ROBO2: variants seen among roughly 807,000 people sequenced by gnomAD.
The protein encoded by ROBO2 is roundabout homolog 2.
A neutral mutation model predicts 160.8 loss-of-function variants in ROBO2; 53 were observed. That is an observed-to-expected ratio of 0.33 (90% CI 0.26 to 0.41). The LOEUF (loss-of-function observed/expected upper bound fraction) is 0.41. Among genes scored for constraint, ROBO2 ranks in the 10% least tolerant of loss-of-function variants. The pLI, the probability that ROBO2 is intolerant of heterozygous loss-of-function variation, is 1.00. For missense variants in ROBO2, 1,577 were observed against 1,722.4 expected (o/e 0.92, Z 1.49); for synonymous variants, 664 against 611.7 (o/e 1.09, Z -1.26).
intron 2 of ROBO2, among the ~76,000 whole-genome samples, chr3:77,239,080 C>G (rs2088544605): frequency 6.6e-6 from 1 of 152,204 alleles, no homozygotes; most frequent in African/African-American, 2.4e-5. Context: ...CCTCATCCCT[C>G]TGTGTCTGGA....
chr3:76,046,456 C>T (rs1345631915), intron 2 of ROBO2, among the ~76,000 whole-genome samples: 2 of 151,784 alleles, frequency 1.3e-5, no homozygotes, highest in African/African-American at 4.9e-5. Flanking sequence ...GAGACCATCC[C>T]GGCTAACGCG....
intron 2 of ROBO2, among the ~76,000 whole-genome samples, chr3:76,865,103 T>G (rs1036625092): frequency 6.6e-6 from 1 of 152,058 alleles, no homozygotes; most frequent in Non-Finnish European, 1.5e-5. Context: ...CAGACCATTC[T>G]ATTTCCATGC....
At chr3:75,944,236 A>G (rs1455278977) in intron 2 of ROBO2, among the ~76,000 whole-genome samples, 3 of 152,130 alleles carry the variant, frequency 2.0e-5, no homozygotes, top group Admixed American at 6.6e-5. Flanking sequence ...AGAATAACTT[A>G]AGTCCTTTAT....
At chr3:77,573,954 T>A (rs749552592) in intron 13 of ROBO2, among the ~76,000 whole-genome samples, 1 of 152,086 alleles carries the variant, frequency 6.6e-6, no homozygotes, top group African/African-American at 2.4e-5. Flanking sequence ...GGGCAGGGGC[T>A]GACTCTATTT....
In ROBO2 at chr3:76,516,152, T is replaced by C. The variant is rs9821127; in HGVS notation, c.109+578550T>C. On this transcript the variant is annotated intron_variant, in intron 2 of 26. Coordinates refer to the ROBO2 transcript ENST00000487694. ...TGTGCAATTTACAAAAAGTGAGAAATAGATTTGTTACAATCTTGATTTTGG... is the reference window on the plus strand; with the variant it reads ...TGTGCAATTTACAAAAAGTGAGAAACAGATTTGTTACAATCTTGATTTTGG... Among the ~76,000 whole-genome samples the C allele has an allele frequency of 8.8e-3, 1,344 of 152,270 alleles. 18 individuals carry two copies. Among genetic ancestry groups the C allele is most frequent in the African/African-American group, 0.028 (1,179 of 41,570 alleles).
At chr3:76,149,152 A>G (rs1480583316) in intron 2 of ROBO2, among the ~76,000 whole-genome samples, 2 of 152,142 alleles carry the variant, frequency 1.3e-5, no homozygotes, top group Non-Finnish European at 2.9e-5. Flanking sequence ...TAGGACATCA[A>G]CTAGACTGAT....
chr3:76,649,113 T>A (rs1199081595), intron 2 of ROBO2, among the ~76,000 whole-genome samples: 1 of 152,084 alleles, frequency 6.6e-6, no homozygotes, highest in African/African-American at 2.4e-5. Flanking sequence ...TCAGAGGTGG[T>A]TTTTTTAATC....
intron 2 of ROBO2, among the ~76,000 whole-genome samples, chr3:76,014,326 G>T (rs1208062034): frequency 7.1e-6 from 1 of 139,976 alleles, no homozygotes; most frequent in East Asian, 2.1e-4. Context: ...AATCCCAGAA[G>T]TAATATGTAT....
At chr3:76,512,452 T>A (rs1269952899) in intron 2 of ROBO2, among the ~76,000 whole-genome samples, 1 of 152,046 alleles carries the variant, frequency 6.6e-6, no homozygotes, top group Non-Finnish European at 1.5e-5. Context: ...GCGATGCTAC[T>A]GTGCTGTTAG....
chr3:76,511,646 ATGCTAT>A (rs1333109055), intron 2 of ROBO2, among the ~76,000 whole-genome samples: 2 of 152,170 alleles, frequency 1.3e-5, no homozygotes, highest in Non-Finnish European at 2.9e-5. Context: ...GATGCCATAT[ATGCTAT>A]TGCCAATGCT....
intron 2 of ROBO2, among the ~76,000 whole-genome samples, chr3:76,658,429 T>C (rs2091672637): frequency 6.6e-6 from 1 of 152,142 alleles, no homozygotes; most frequent in East Asian, 1.9e-4. Context: ...GGTGGTTTGC[T>C]GCACCCATCA....
At chr3:76,950,147 A>T (rs1490136021) in intron 2 of ROBO2, among the ~76,000 whole-genome samples, 2 of 152,218 alleles carry the variant, frequency 1.3e-5, no homozygotes, top group Non-Finnish European at 2.9e-5. Flanking sequence ...TAATACTGAT[A>T]GGTGGTCTCT....
At chr3:76,475,745 C>T (rs1362011878) in intron 2 of ROBO2, among the ~76,000 whole-genome samples, 1 of 152,154 alleles carries the variant, frequency 6.6e-6, no homozygotes, top group Non-Finnish European at 1.5e-5. Flanking sequence ...AGAGATGTTT[C>T]ATTATAATGT....
intron 2 of ROBO2, among the ~76,000 whole-genome samples, chr3:76,473,555 A>C (rs2078779288): frequency 1.3e-5 from 2 of 152,198 alleles, no homozygotes; most frequent in Non-Finnish European, 2.9e-5. Context: ...TCTGACTAGA[A>C]CAACAGCCAC....
chr3:76,219,304 C>A (rs1171068935), intron 2 of ROBO2, among the ~76,000 whole-genome samples: 1 of 152,148 alleles, frequency 6.6e-6, no homozygotes, highest in Non-Finnish European at 1.5e-5. Flanking sequence ...GCAATGGCAA[C>A]AGAAGCCAAA....
chr3:76,589,301 T>C (rs1217637415), intron 2 of ROBO2, among the ~76,000 whole-genome samples: 3 of 152,144 alleles, frequency 2.0e-5, no homozygotes, highest in Non-Finnish European at 4.4e-5. Context: ...CACTTGGCTT[T>C]TTGTTTGTTT....
intron 2 of ROBO2, among the ~76,000 whole-genome samples, chr3:77,149,210 AT>A (rs201930617): frequency 0.074 from 11,118 of 151,210 alleles, 939 homozygotes; most frequent in East Asian, 0.21. Flanking sequence ...AATTTTTTGT[AT>A]TTTTTAGTAG....
At chr3:76,347,984 A>C (rs914359077) in intron 2 of ROBO2, among the ~76,000 whole-genome samples, 3 of 152,216 alleles carry the variant, frequency 2.0e-5, no homozygotes, top group African/African-American at 7.2e-5. Flanking sequence ...AAAATCCGTC[A>C]GTTACCCATA....
chr3:76,520,583 C>T (rs2081557995), intron 2 of ROBO2, among the ~76,000 whole-genome samples: 1 of 152,132 alleles, frequency 6.6e-6, no homozygotes, highest in African/African-American at 2.4e-5. Flanking sequence ...AGTCAAAATT[C>T]TCATTTTCCT....
Sources: gnomAD v4.1 joint callset for allele counts (sites outside exome capture counted in the v4.1 genomes callset) on GRCh38, gnomAD v4.1.1 for gene constraint, MANE v1.5 for transcripts, NCBI Gene and HGNC (gene_info 2026-07-23, HGNC 2026-07-21) for gene names.